The following ZFHX3 variants were observed in gnomAD, a reference collection of about 807,000 sequenced individuals.
The protein encoded by ZFHX3 is zinc finger homeobox 3, also known as zinc finger homeobox protein 3.
A neutral mutation model predicts 279.1 loss-of-function variants in ZFHX3; 42 were observed. That is an observed-to-expected ratio of 0.15 (90% confidence interval 0.12 to 0.19). The LOEUF is 0.19. Among genes scored for constraint, ZFHX3 ranks in the 10% least tolerant of loss-of-function variants. ZFHX3 has a pLI of 1.00. For synonymous variants in ZFHX3, 2,293 were observed against 1,957.8 expected (o/e 1.17, Z -4.52); for missense variants, 4,981 against 4,754.0 (o/e 1.05, Z -1.40).
At chr16:73,649,640 T>C (rs2052652540) in intron 2 of ZFHX3, among the ~76,000 whole-genome samples, 1 of 152,208 alleles carries the variant, frequency 6.6e-6, no homozygotes. Flanking sequence ...TACAGAGAGT[T>C]TGGGTCAGCA....
intron 5 of ZFHX3, among the ~76,000 whole-genome samples, chr16:73,176,529 T>C (rs901799067): frequency 1.3e-5 from 2 of 152,114 alleles, no homozygotes; most frequent in African/African-American, 2.4e-5. Flanking sequence ...CTTGCTCTCT[T>C]AGCCAAGAAT....
At chr16:73,388,119 C>T (rs543887560) in intron 3 of ZFHX3, among the ~76,000 whole-genome samples, 120 of 152,154 alleles carry the variant, frequency 7.9e-4, no homozygotes, top group Non-Finnish European at 1.3e-3. Context: ...AGAAGCAATG[C>T]GGCAGGCTAT....
chr16:73,366,601 A>G (rs1205791365), intron 3 of ZFHX3, among the ~76,000 whole-genome samples: 2 of 151,690 alleles, frequency 1.3e-5, no homozygotes, highest in Non-Finnish European at 2.9e-5. Context: ...AAAAAAAAAA[A>G]AAAAAGAGAG....
At chr16:73,328,051 T>A (rs894553480) in intron 3 of ZFHX3, among the ~76,000 whole-genome samples, 1 of 152,228 alleles carries the variant, frequency 6.6e-6, no homozygotes, top group Non-Finnish European at 1.5e-5. Context: ...CATTTTCCTA[T>A]GCTTTTTAAA....
chr16:73,363,885 C>A (rs1472437278), intron 3 of ZFHX3, among the ~76,000 whole-genome samples: 1 of 152,118 alleles, frequency 6.6e-6, no homozygotes, highest in African/African-American at 2.4e-5. Flanking sequence ...CTGTAGGTAG[C>A]TACAGTTCTG....
intron 1 of ZFHX3, among the ~76,000 whole-genome samples, chr16:73,748,696 C>T (rs2053727228): frequency 6.6e-6 from 1 of 152,152 alleles, no homozygotes; most frequent in African/African-American, 2.4e-5. Context: ...ATCACTGTCT[C>T]ATTGAAGAGC....
intron 1 of ZFHX3, among the ~76,000 whole-genome samples, chr16:73,882,895 G>A (rs966654649): frequency 6.6e-6 from 1 of 152,056 alleles, no homozygotes. Flanking sequence ...CTTTGCAAGA[G>A]GAAGCTTGTG....
At chr16:73,517,260 G>C (rs2019539143) in intron 2 of ZFHX3, among the ~76,000 whole-genome samples, 1 of 152,142 alleles carries the variant, frequency 6.6e-6, no homozygotes, top group South Asian at 2.1e-4. Context: ...CCTGTTTGGG[G>C]ATCTCTGCAT....
intron 2 of ZFHX3, among the ~76,000 whole-genome samples, chr16:73,535,953 A>T (rs1488892052): frequency 6.6e-6 from 1 of 151,664 alleles, no homozygotes; most frequent in African/African-American, 2.4e-5. Flanking sequence ...CTATCTCCTG[A>T]CCTCAGGATC....
chr16:73,050,099 C>T (rs572927971), upstream of ZFHX3, among the ~76,000 whole-genome samples: 1 of 152,278 alleles, frequency 6.6e-6, no homozygotes, highest in South Asian at 2.1e-4. Flanking sequence ...TCTAATTTTG[C>T]TGCTTTATCT....
intron 2 of ZFHX3, among the ~76,000 whole-genome samples, chr16:73,459,098 C>T (rs2018426562): frequency 6.6e-6 from 1 of 152,174 alleles, no homozygotes; most frequent in Non-Finnish European, 1.5e-5. Flanking sequence ...TGAATAATTC[C>T]TCCAAACAGA....
intron 3 of ZFHX3, among the ~76,000 whole-genome samples, chr16:72,938,729 A>G (rs1960255045): frequency 6.6e-6 from 1 of 152,186 alleles, no homozygotes; most frequent in African/African-American, 2.4e-5. Flanking sequence ...AGGTGAAGAG[A>G]GCCGAGTATG....
intron 2 of ZFHX3, among the ~76,000 whole-genome samples, chr16:73,461,477 A>G (rs2018469432): frequency 6.6e-6 from 1 of 152,158 alleles, no homozygotes; most frequent in African/African-American, 2.4e-5. Flanking sequence ...CTAGATCCTG[A>G]AGATTTTCTC....
At chr16:73,560,070 C>T (rs76852384) in intron 2 of ZFHX3, among the ~76,000 whole-genome samples, 2 of 152,188 alleles carry the variant, frequency 1.3e-5, no homozygotes, top group Non-Finnish European at 2.9e-5. Flanking sequence ...AAAAAAACCC[C>T]AGTGCCTGAT....
At chr16:73,682,288 T>C (rs1432324825) in intron 1 of ZFHX3, among the ~76,000 whole-genome samples, 2 of 152,230 alleles carry the variant, frequency 1.3e-5, no homozygotes, top group African/African-American at 2.4e-5. Flanking sequence ...GTATTTATTC[T>C]ATTAAAATTA....
At chr16:73,726,507 C>T (rs1339534538) in intron 1 of ZFHX3, among the ~76,000 whole-genome samples, 3 of 152,090 alleles carry the variant, frequency 2.0e-5, no homozygotes, top group Non-Finnish European at 4.4e-5. Flanking sequence ...TGTAGTAGTC[C>T]GTTCTTGCAT....
chr16:73,025,389 G>A (rs1440016751), intron 1 of ZFHX3, among the ~76,000 whole-genome samples: 1 of 152,162 alleles, frequency 6.6e-6, no homozygotes, highest in Non-Finnish European at 1.5e-5. Flanking sequence ...GAATGGATTT[G>A]ATGTCAAGTG....
At chr16:73,486,122 C>T (rs921224917) in intron 2 of ZFHX3, among the ~76,000 whole-genome samples, 10 of 152,138 alleles carry the variant, frequency 6.6e-5, no homozygotes, top group Admixed American at 3.9e-4. Context: ...GGTCTGAAGG[C>T]GGGGAACATA....
intron 2 of ZFHX3, among the ~76,000 whole-genome samples, chr16:73,656,464 T>C (rs146777898): frequency 2.0e-4 from 30 of 152,298 alleles, no homozygotes; most frequent in African/African-American, 4.1e-4. Flanking sequence ...CTCAAAAGGA[T>C]TGAACTGAGT....
Sources: allele counts gnomAD v4.1 joint callset (sites outside exome capture counted in the v4.1 genomes callset), GRCh38; gene constraint gnomAD v4.1.1; transcripts MANE v1.5; gene names NCBI Gene and HGNC (gene_info 2026-07-23, HGNC 2026-07-21).